Variants in SNTG2 observed in about 807,000 individuals in gnomAD.
The protein encoded by SNTG2 is syntrophin gamma 2, also known as gamma-2-syntrophin.
SNTG2 carries 74 observed loss-of-function variants against 70.9 expected under a neutral mutation model. The ratio of observed to expected loss-of-function variants is 1.04; its 90% CI spans 0.86 to 1.27. The LOEUF (loss-of-function observed/expected upper bound fraction) is 1.27. Ranked by LOEUF, SNTG2 falls within the 50% of genes most tolerant of loss-of-function variation. The pLI is 0.00. For missense variants in SNTG2, 717 were observed against 690.7 expected (o/e 1.04, Z -0.43); for synonymous variants, 278 against 273.8 (o/e 1.02, Z -0.15).
chr2:1,065,181 G>A (rs1663070645), intron 1 of SNTG2, among the ~76,000 whole-genome samples: 1 of 152,126 alleles, frequency 6.6e-6, no homozygotes, highest in African/African-American at 2.4e-5. Context: ...TCTTCATGGA[G>A]ATCTGAGGCC....
intron 6 of SNTG2, among the ~76,000 whole-genome samples, chr2:1,162,501 C>T (rs563456967): frequency 1.7e-4 from 26 of 152,186 alleles, no homozygotes; most frequent in African/African-American, 5.1e-4. Flanking sequence ...ACTGAGCTCC[C>T]GGGACAACTA....
At chr2:1,003,191 A>G (rs1013061473) in intron 1 of SNTG2, among the ~76,000 whole-genome samples, 2 of 152,208 alleles carry the variant, frequency 1.3e-5, no homozygotes, top group African/African-American at 4.8e-5. Flanking sequence ...ATGCACCACT[A>G]CATGGTATAT....
rs369080266 is a variant in SNTG2 at position 1,127,798 on chromosome 2, G to A, written c.326-9824G>A. 1.3e-4 allele frequency among the ~76,000 whole-genome samples: 20 copies of A among 152,096 alleles called. No homozygotes were observed. In the East Asian group the frequency reaches 1.5e-3, roughly 12 times the overall value. On this transcript the variant is annotated intron_variant, in intron 4 of 16. Coordinates refer to ENST00000308624, the MANE Select transcript of SNTG2 (RefSeq NM_018968.4). Reference sequence around the variant, plus strand: ...CTTAGAACACTATTGATTTCTGTACGTTGATTTTGTATTCTGTAACTTTAC... The same window carrying A: ...CTTAGAACACTATTGATTTCTGTACATTGATTTTGTATTCTGTAACTTTAC...
intron 16 of SNTG2, among the ~76,000 whole-genome samples, chr2:1,341,877 A>G (rs184794397): frequency 3.9e-5 from 5 of 127,798 alleles, no homozygotes; most frequent in African/African-American, 1.1e-4. Context: ...ATAGGGTCTT[A>G]CTCTGTTGCC....
intron 9 of SNTG2, among the ~76,000 whole-genome samples, chr2:1,237,436 A>G (rs1268305231): frequency 6.6e-6 from 1 of 152,066 alleles, no homozygotes; most frequent in African/African-American, 2.4e-5. Flanking sequence ...GAGCAGTGGA[A>G]GGGGACTATG....
intron 16 of SNTG2, chr2:1,340,899 T>A (rs1660050749): frequency 6.6e-6 from 1 of 152,242 alleles, no homozygotes; most frequent in Non-Finnish European, 1.5e-5. Context: ...GCAAGACACC[T>A]GGCTCAAAGA....
rs553303979 is a variant in SNTG2, at chr2:1,060,677, A to G, written c.73-22841A>G. On this transcript the variant is annotated intron_variant, in intron 1 of 16. Transcript: ENST00000308624. Reference sequence around the variant, plus strand: ...CAAATATGAACCTAAGAATGATACTAAATTATAACTATTTGAATGAAATAG... The same window carrying G: ...CAAATATGAACCTAAGAATGATACTGAATTATAACTATTTGAATGAAATAG... 2.0e-5 allele frequency among the ~76,000 whole-genome samples: 3 copies of G among 152,364 alleles called. No individual in the cohort carries two copies. In the East Asian group the frequency reaches 5.8e-4, roughly 29 times the overall value.
At chr2:1,327,928 A>G (rs1193936296) in intron 16 of SNTG2, among the ~76,000 whole-genome samples, 1 of 152,192 alleles carries the variant, frequency 6.6e-6, no homozygotes, top group Admixed American at 6.5e-5. Flanking sequence ...GAAAAGAGAT[A>G]TACTTAGTTT....
intron 8 of SNTG2, among the ~76,000 whole-genome samples, chr2:1,186,497 A>G (rs1225163407): frequency 1.3e-5 from 2 of 152,194 alleles, no homozygotes; most frequent in Admixed American, 1.3e-4. Context: ...TAATTTATCA[A>G]GAAAAGGGGT....
At chr2:1,228,349 T>C (rs983137198) in intron 9 of SNTG2, among the ~76,000 whole-genome samples, 12 of 152,206 alleles carry the variant, frequency 7.9e-5, no homozygotes, top group African/African-American at 2.7e-4. Context: ...GGTTTCTGGC[T>C]GTGGTTCCCT....
At chr2:965,265 T>C (rs868521183) in intron 1 of SNTG2, among the ~76,000 whole-genome samples, 188 of 116,154 alleles carry the variant, frequency 1.6e-3, no homozygotes, top group Middle Eastern at 5.4e-3. Flanking sequence ...CTCCTCCTGG[T>C]CCCCAGTCCT....
chr2:1,132,412 G>T (rs1558437561), intron 4 of SNTG2, among the ~76,000 whole-genome samples: 1 of 152,148 alleles, frequency 6.6e-6, no homozygotes, highest in African/African-American at 2.4e-5. Context: ...TTTGCAGAAG[G>T]TATGACTTCA....
At chr2:1,288,357 T>C (rs1470284676) in intron 14 of SNTG2, among the ~76,000 whole-genome samples, 1 of 152,220 alleles carries the variant, frequency 6.6e-6, no homozygotes, top group African/African-American at 2.4e-5. Context: ...GCAAACACCA[T>C]GTAAATCTCT....
rs1443826336 is a variant in SNTG2 at position 1,197,543 on chromosome 2, G to GTATA, written c.592-11559_592-11558insATAT. On this transcript the variant is annotated intron_variant, in intron 8 of 16. Transcript: ENST00000308624. ...TGTGTGTGTGTGTGTGTGTGTGTGT[G>GTATA]TGTGTGTATATTTGATACAGGTTCT... 6.7e-3 allele frequency among the ~76,000 whole-genome samples: 912 copies of GTATA among 136,906 alleles called. 10 individuals carry two copies. The highest frequency in any genetic ancestry group is 0.028 in the East Asian group (98 of 3,522). 89.8% of individuals were successfully genotyped at this position (136,906 alleles called of 152,430 possible). A position where few individuals can be genotyped will look rare whatever the true frequency, so the allele number is the denominator to read the frequency against.
chr2:1,074,449 CTTAA>C (rs1558369083), intron 1 of SNTG2, among the ~76,000 whole-genome samples: 1 of 152,120 alleles, frequency 6.6e-6, no homozygotes, highest in Non-Finnish European at 1.5e-5. Context: ...TTTATAAAAT[CTTAA>C]TTAAAACAGG....
At chr2:1,059,895 G>A (rs1662701808) in intron 1 of SNTG2, among the ~76,000 whole-genome samples, 1 of 152,064 alleles carries the variant, frequency 6.6e-6, no homozygotes, top group African/African-American at 2.4e-5. Context: ...GAGTTATATT[G>A]GATCAGGGGT....
Position 1,100,324 on chromosome 2 carries a change from G to A in SNTG2, c.325+1914G>A, listed in dbSNP as rs557600642. The stretch of plus-strand genomic sequence containing the variant: ...TGGGACTACAGGTGCCCGCCACCAC[G>A]CCTGGCTAATTTTTGTATTTTTAGT... On this transcript the variant is annotated intron_variant, in intron 4 of 16. Coordinates refer to ENST00000308624, the MANE Select transcript of SNTG2 (RefSeq NM_018968.4). Among the ~76,000 whole-genome samples the A allele has an allele frequency of 1.7e-3, 260 of 152,092 alleles. 2 individuals are homozygous for A. The highest frequency in any genetic ancestry group is 1.1e-3 in the Non-Finnish European group (74 of 68,006).
chr2:960,316 C>T (rs1660304269), intron 1 of SNTG2, among the ~76,000 whole-genome samples: 1 of 152,212 alleles, frequency 6.6e-6, no homozygotes, highest in African/African-American at 2.4e-5. Flanking sequence ...GGCTTCTGGG[C>T]CCCACAGTTC....
intron 8 of SNTG2, among the ~76,000 whole-genome samples, chr2:1,200,157 T>C (rs532496146): frequency 4.1e-4 from 62 of 152,042 alleles, no homozygotes; most frequent in African/African-American, 1.3e-3. Context: ...ATGGTACTGG[T>C]ATAAAAACAG....
Sources: allele counts gnomAD v4.1 joint callset (sites outside exome capture counted in the v4.1 genomes callset), GRCh38; gene constraint gnomAD v4.1.1; transcripts MANE v1.5; gene names NCBI Gene and HGNC (gene_info 2026-07-23, HGNC 2026-07-21).